ACTR3C: variants seen among roughly 807,000 people sequenced by gnomAD.
ACTR3C encodes actin related protein 3C.
ACTR3C carries 18 observed loss-of-function variants against 26.3 expected under a neutral mutation model. That is an observed-to-expected ratio of 0.68 (90% CI 0.47 to 1.01). The LOEUF is 1.01. ACTR3C is among the 50% of genes least tolerant of loss of function. ACTR3C has a pLI of 0.00. For missense variants in ACTR3C, 184 were observed against 250.7 expected (o/e 0.73, Z 1.80); for synonymous variants, 55 against 94.5 (o/e 0.58, Z 2.42).
the ACTR3C span, among the ~76,000 whole-genome samples, chr7:149,995,715 A>G: frequency 1.3e-5 from 2 of 152,230 alleles, no homozygotes; most frequent in Non-Finnish European, 2.9e-5. Context: ...AGTTAGATAC[A>G]AAGACCTGGA....
At chr7:149,903,905 TTGTTGTTGTTGTTG>T in the ACTR3C span, among the ~76,000 whole-genome samples, 142 of 71,154 alleles carry the variant, frequency 2.0e-3, no homozygotes, top group African/African-American at 4.8e-3. Context: ...TTGTTGCTGG[TTGTTGTTGTTGTTG>T]TTGTTGTTGT....
chr7:150,299,892 A>G (rs1025350664), intron 1 of ACTR3C, among the ~76,000 whole-genome samples: 8 of 152,214 alleles, frequency 5.3e-5, no homozygotes, highest in Middle Eastern at 3.2e-3. Context: ...CTCTTACACA[A>G]CAGTGTGAAT....
the ACTR3C span, among the ~76,000 whole-genome samples, chr7:150,227,079 T>G: frequency 6.7e-6 from 1 of 149,262 alleles, no homozygotes; most frequent in East Asian, 2.0e-4. Context: ...TGTAGAAAGA[T>G]TTAATCAAGC....
the ACTR3C span, among the ~76,000 whole-genome samples, chr7:149,884,586 T>C: frequency 6.7e-6 from 1 of 148,982 alleles, no homozygotes; most frequent in South Asian, 2.1e-4. Context: ...ATGCAATTTT[T>C]GTCAACTTAA....
chr7:150,129,230 C>A, the ACTR3C span, among the ~76,000 whole-genome samples: 1 of 151,984 alleles, frequency 6.6e-6, no homozygotes, highest in Non-Finnish European at 1.5e-5. Context: ...ACTCTCATAA[C>A]CTGCCAAAAG....
the ACTR3C span, among the ~76,000 whole-genome samples, chr7:149,984,232 T>C: frequency 1.3e-5 from 2 of 151,878 alleles, no homozygotes; most frequent in South Asian, 4.2e-4. Context: ...GAGATGGAGT[T>C]TCACTCTGTT....
At chr7:150,220,872 C>A in the ACTR3C span, among the ~76,000 whole-genome samples, 9 of 152,296 alleles carry the variant, frequency 5.9e-5, no homozygotes, top group Non-Finnish European at 1.3e-4. Flanking sequence ...GTCATCAGTG[C>A]GGACTCCGGC....
chr7:149,927,140 G>A, the ACTR3C span, among the ~76,000 whole-genome samples: 1 of 151,854 alleles, frequency 6.6e-6, no homozygotes, highest in Non-Finnish European at 1.5e-5. Flanking sequence ...TGCCCTGGCT[G>A]CCTCCACACT....
At chr7:150,186,598 G>A in the ACTR3C span, among the ~76,000 whole-genome samples, 1 of 152,044 alleles carries the variant, frequency 6.6e-6, no homozygotes, top group African/African-American at 2.4e-5. Context: ...AGCCCACAGT[G>A]AAATTACTCC....
At chr7:150,234,486 G>T in the ACTR3C span, among the ~76,000 whole-genome samples, 1 of 152,094 alleles carries the variant, frequency 6.6e-6, no homozygotes, top group African/African-American at 2.4e-5. Flanking sequence ...AGCTTGGTGG[G>T]GCTTCTGGAG....
the ACTR3C span, among the ~76,000 whole-genome samples, chr7:149,961,119 C>G: frequency 1.3e-5 from 2 of 151,538 alleles, no homozygotes; most frequent in African/African-American, 4.9e-5. Flanking sequence ...AGGAAGTGTA[C>G]AGTCACAGGA....
the ACTR3C span, among the ~76,000 whole-genome samples, chr7:150,069,355 G>A: frequency 6.6e-6 from 1 of 152,308 alleles, no homozygotes; most frequent in Non-Finnish European, 1.5e-5. Flanking sequence ...GAAGAGGTCT[G>A]GGGCTAAGGT....
intron 6 of ACTR3C, among the ~76,000 whole-genome samples, chr7:150,254,981 T>C (rs1833102841): frequency 6.6e-6 from 1 of 152,160 alleles, no homozygotes; most frequent in Non-Finnish European, 1.5e-5. Context: ...GACATTTAAA[T>C]AAATATGCAT....
At chr7:149,895,770 C>T in the ACTR3C span, among the ~76,000 whole-genome samples, 1 of 152,168 alleles carries the variant, frequency 6.6e-6, no homozygotes, top group Non-Finnish European at 1.5e-5. Flanking sequence ...CTGCAATGAG[C>T]TATGATAGCC....
At chr7:150,053,270 C>T in the ACTR3C span, among the ~76,000 whole-genome samples, 4 of 151,516 alleles carry the variant, frequency 2.6e-5, no homozygotes, top group Admixed American at 6.6e-5. Flanking sequence ...TTAGATTAAA[C>T]GAGATATGAC....
At chr7:150,036,778 G>C in the ACTR3C span, among the ~76,000 whole-genome samples, 1 of 138,120 alleles carries the variant, frequency 7.2e-6, no homozygotes, top group African/African-American at 2.5e-5. Context: ...CGGAAGATTT[G>C]AACTTTCTAA....
chr7:150,230,319 A>G, the ACTR3C span, among the ~76,000 whole-genome samples: 257 of 152,314 alleles, frequency 1.7e-3, no homozygotes, highest in African/African-American at 6.0e-3. Flanking sequence ...AGTTATGTTC[A>G]GTGTCTTTAA....
At chr7:150,278,538 C>T (rs36038850) in intron 6 of ACTR3C, among the ~76,000 whole-genome samples, 29,708 of 152,138 alleles carry the variant, frequency 0.2, 4,112 homozygotes, top group African/African-American at 0.37. Flanking sequence ...TCAGCACCCG[C>T]GGTGGGACCT....
At chr7:150,037,757 C>T in the ACTR3C span, among the ~76,000 whole-genome samples, 4 of 44,514 alleles carry the variant, frequency 9.0e-5, no homozygotes, top group Non-Finnish European at 1.2e-4. Flanking sequence ...TCCCCACCCT[C>T]GCGGGGGGTG....
Sources: gnomAD v4.1 joint callset for allele counts (sites outside exome capture counted in the v4.1 genomes callset) on GRCh38, gnomAD v4.1.1 for gene constraint, MANE v1.5 for transcripts, NCBI Gene and HGNC (gene_info 2026-07-23, HGNC 2026-07-21) for gene names.